CACNG2: variants seen among roughly 807,000 people sequenced by gnomAD.
CACNG2 encodes voltage-dependent calcium channel gamma-2 subunit.
A neutral mutation model predicts 25.9 loss-of-function variants in CACNG2; 3 were observed. The ratio of observed to expected loss-of-function variants is 0.12; its 90% CI spans 0.05 to 0.30. The LOEUF is 0.30. Among genes scored for constraint, CACNG2 ranks in the 10% least tolerant of loss-of-function variants. The pLI is 1.00. For missense variants in CACNG2, 341 were observed against 432.5 expected (o/e 0.79, Z 1.88); for synonymous variants, 167 against 173.3 (o/e 0.96, Z 0.29).
chr22:36,629,005 C>T (rs909464552), intron 1 of CACNG2, among the ~76,000 whole-genome samples: 1 of 152,014 alleles, frequency 6.6e-6, no homozygotes, highest in South Asian at 2.1e-4. Flanking sequence ...AAACTGACAA[C>T]TGTCAAAACA....
At chr22:36,576,274 G>A (rs1569017890) in intron 2 of CACNG2, among the ~76,000 whole-genome samples, 1 of 152,136 alleles carries the variant, frequency 6.6e-6, no homozygotes, top group Non-Finnish European at 1.5e-5. Flanking sequence ...AGTAACTCAG[G>A]AATGGAAAAC....
intron 1 of CACNG2, among the ~76,000 whole-genome samples, chr22:36,654,988 C>T (rs966835408): frequency 2.6e-5 from 4 of 151,778 alleles, no homozygotes. Flanking sequence ...TGGAGGAAAC[C>T]CAAGTCCATC....
chr22:36,581,850 C>T (rs997988504), intron 2 of CACNG2, among the ~76,000 whole-genome samples: 1 of 152,160 alleles, frequency 6.6e-6, no homozygotes, highest in African/African-American at 2.4e-5. Context: ...AGGTCCATAC[C>T]GAGCCCGTGA....
chr22:36,583,684 C>T (rs1412421470), intron 2 of CACNG2, among the ~76,000 whole-genome samples: 3 of 152,204 alleles, frequency 2.0e-5, no homozygotes, highest in African/African-American at 7.2e-5. Flanking sequence ...CAAACATCTC[C>T]TTCCTTCTCA....
intron 1 of CACNG2, among the ~76,000 whole-genome samples, chr22:36,694,181 T>C (rs953759554): frequency 3.3e-5 from 5 of 152,218 alleles, no homozygotes; most frequent in African/African-American, 1.2e-4. Flanking sequence ...TAGCTGACCG[T>C]CTTCTTTTGA....
intron 2 of CACNG2, among the ~76,000 whole-genome samples, chr22:36,577,648 TG>T (rs1323321203): frequency 1.7e-5 from 2 of 116,516 alleles, no homozygotes; most frequent in African/African-American, 3.5e-5. Context: ...GACTCCGTCT[TG>T]GAAAAAAAAA....
At chr22:36,698,208 C>G (rs567834548) in intron 1 of CACNG2, among the ~76,000 whole-genome samples, 7 of 152,280 alleles carry the variant, frequency 4.6e-5, no homozygotes, top group African/African-American at 7.2e-5. Flanking sequence ...CTCTCTCTCT[C>G]GATCACTTGG....
intron 1 of CACNG2, among the ~76,000 whole-genome samples, chr22:36,655,032 A>G (rs1031521420): frequency 6.6e-6 from 1 of 151,468 alleles, no homozygotes; most frequent in Non-Finnish European, 1.5e-5. Flanking sequence ...GGGAGGGGGG[A>G]AAACAGAATG....
At chr22:36,675,083 G>GC (rs1338914745) in intron 1 of CACNG2, among the ~76,000 whole-genome samples, 2 of 152,100 alleles carry the variant, frequency 1.3e-5, no homozygotes, top group African/African-American at 4.8e-5. Context: ...GGTTGCCCAG[G>GC]CCGAATGCAG....
intron 1 of CACNG2, among the ~76,000 whole-genome samples, chr22:36,673,590 G>T (rs1936982577): frequency 6.6e-6 from 1 of 151,536 alleles, no homozygotes; most frequent in African/African-American, 2.4e-5. Context: ...TGGCAGGAGA[G>T]AGGACAAGGA....
intron 1 of CACNG2, among the ~76,000 whole-genome samples, chr22:36,671,762 T>C (rs1350423620): frequency 6.6e-6 from 1 of 152,176 alleles, no homozygotes; most frequent in Non-Finnish European, 1.5e-5. Context: ...TACAAGAGTC[T>C]GCACGGGGCC....
intron 1 of CACNG2, among the ~76,000 whole-genome samples, chr22:36,629,590 C>T (rs980489344): frequency 1.3e-5 from 2 of 151,510 alleles, no homozygotes; most frequent in African/African-American, 4.9e-5. Context: ...GATCAGCAGA[C>T]CTGAACTTGA....
chr22:36,637,966 G>T (rs1936382439), intron 1 of CACNG2, among the ~76,000 whole-genome samples: 1 of 151,730 alleles, frequency 6.6e-6, no homozygotes, highest in Non-Finnish European at 1.5e-5. Flanking sequence ...AGGTTGCAGT[G>T]AGCCAAGATC....
At chr22:36,642,928 CA>C (rs1936461304) in intron 1 of CACNG2, among the ~76,000 whole-genome samples, 1 of 152,146 alleles carries the variant, frequency 6.6e-6, no homozygotes, top group East Asian at 1.9e-4. Context: ...GTGATCTTTT[CA>C]AAGCAAGCCA....
At chr22:36,701,602 C>T (rs1371150459) in intron 1 of CACNG2, among the ~76,000 whole-genome samples, 1 of 148,172 alleles carries the variant, frequency 6.7e-6, no homozygotes, top group Non-Finnish European at 1.5e-5. Flanking sequence ...AATGCTGACT[C>T]TACTAGCTTC....
chr22:36,621,426 C>T (rs993706094), intron 1 of CACNG2, among the ~76,000 whole-genome samples: 3 of 152,020 alleles, frequency 2.0e-5, no homozygotes, highest in Admixed American at 6.6e-5. Context: ...AAAAATTAGC[C>T]AGGCATGGAG....
At chr22:36,631,290 G>A (rs1445071572) in intron 1 of CACNG2, among the ~76,000 whole-genome samples, 1 of 152,164 alleles carries the variant, frequency 6.6e-6, no homozygotes, top group Non-Finnish European at 1.5e-5. Context: ...TGAAGAAGGC[G>A]AGTTCAGTTA....
intron 1 of CACNG2, among the ~76,000 whole-genome samples, chr22:36,602,682 G>A (rs1384577181): frequency 3.3e-5 from 5 of 152,170 alleles, no homozygotes; most frequent in Non-Finnish European, 5.9e-5. Flanking sequence ...CACTGCGCCC[G>A]GACTACTTCT....
rs5845278 is a variant in CACNG2, at chr22:36,627,642, ATT to A, written c.212-40096_212-40095del. On this transcript the variant is annotated intron_variant, in intron 1 of 3. Transcript: ENST00000300105. ...AAAGCAGTTAGCATGAATGACTTTGATTTTTTTTTTTTTTTTTTTAAAGAAAC... is the reference window on the plus strand; with the variant it reads ...AAAGCAGTTAGCATGAATGACTTTGATTTTTTTTTTTTTTTTTAAAGAAAC... 7.4e-3 allele frequency among the ~76,000 whole-genome samples: 1,043 copies of A among 141,236 alleles called. 2 individuals carry two copies. The highest frequency in any genetic ancestry group is 0.028 in the East Asian group (135 of 4,844). The allele number at this position is 141,236 out of a possible 152,430, so 92.7% of individuals were successfully genotyped here.
Sources: allele counts gnomAD v4.1 joint callset (sites outside exome capture counted in the v4.1 genomes callset), GRCh38; gene constraint gnomAD v4.1.1; transcripts MANE v1.5; gene names NCBI Gene and HGNC (gene_info 2026-07-23, HGNC 2026-07-21).